CHST9: variants seen among roughly 807,000 people sequenced by gnomAD.
CHST9 encodes the protein carbohydrate sulfotransferase 9.
Under a neutral mutation model 44.4 loss-of-function variants are expected in CHST9, and 41 were observed. The ratio of observed to expected loss-of-function variants is 0.92; its 90% CI spans 0.72 to 1.20. The LOEUF is 1.20. Among genes scored for constraint, CHST9 ranks in the 50% most tolerant of loss-of-function variants. The probability of loss-of-function intolerance (pLI) is 0.00; values close to 1 mark genes in which losing one functional copy is unlikely to be tolerated. For synonymous variants in CHST9, 171 were observed against 178.4 expected (o/e 0.96, Z 0.33); for missense variants, 504 against 516.5 (o/e 0.98, Z 0.23).
intron 1 of CHST9, 21 bp from the exon 2 acceptor site, chr18:27,142,926 C>G: frequency 5.7e-6 from 5 of 883,162 alleles, no homozygotes; most frequent in Non-Finnish European, 8.5e-6. Flanking sequence ...AAAAAGAAAT[C>G]TACATTGTAC....
intron 4 of CHST9, among the ~76,000 whole-genome samples, chr18:26,980,778 A>C (rs990496646): frequency 6.6e-6 from 1 of 152,206 alleles, no homozygotes; most frequent in African/African-American, 2.4e-5. Context: ...AAGAGTTCAT[A>C]ATGAATATTT....
intron 1 of CHST9, among the ~76,000 whole-genome samples, chr18:27,157,595 A>G (rs2058707690): frequency 6.6e-6 from 1 of 152,146 alleles, no homozygotes; most frequent in African/African-American, 2.4e-5. Context: ...ATCCGCAAAA[A>G]TATCTACTGA....
chr18:27,161,744 A>C (rs2143930739), intron 1 of CHST9, among the ~76,000 whole-genome samples: 1 of 152,160 alleles, frequency 6.6e-6, no homozygotes, highest in African/African-American at 2.4e-5. Context: ...TGGGAGTCCA[A>C]GTCTCTTTCT....
At chr18:27,141,614 A>G (rs1428349728) in intron 2 of CHST9, among the ~76,000 whole-genome samples, 2 of 150,670 alleles carry the variant, frequency 1.3e-5, no homozygotes, top group Admixed American at 1.3e-4. Flanking sequence ...AAAAAAAAAA[A>G]AAGTAGGAGG....
rs529920576 is a variant in CHST9, at chr18:27,088,360, C to T, written c.122-39857G>A. 2.0e-5 allele frequency among the ~76,000 whole-genome samples: 3 copies of T among 151,318 alleles called. No homozygotes were observed. In the East Asian group the frequency reaches 5.8e-4, roughly 29 times the overall value. ...TGTTACTAATATACTTAGTTACAAGCATTTGTACTGCATTTCCAATTATTA... is the reference window on the plus strand; with the variant it reads ...TGTTACTAATATACTTAGTTACAAGTATTTGTACTGCATTTCCAATTATTA... On this transcript the variant is annotated intron_variant, in intron 2 of 5. Transcript: ENST00000618847.
chr18:26,907,352 T>A lies in CHST9; in HGVS notation c.*8907A>T, dbSNP rs1451283097. The A allele has an allele frequency of 6.6e-6, 1 of 151,624 alleles. No homozygotes were observed. The highest frequency in any genetic ancestry group is 1.5e-5 in the Non-Finnish European group (1 of 67,934). 9.4% of individuals were successfully genotyped at this position (151,624 alleles called of 1,614,324 possible). A position where few individuals can be genotyped will look rare whatever the true frequency, so the allele number is the denominator to read the frequency against. ...AATAAGGAGAAAGCAGGTTTGGGGG[T>A]TAGGTGATGAGTTCAGCTTTGGTCA... On this transcript the variant is annotated 3_prime_UTR_variant, in exon 6 of 6. Transcript: ENST00000618847.
At chr18:26,942,544 G>C (rs575822706) in intron 5 of CHST9, among the ~76,000 whole-genome samples, 15 of 151,940 alleles carry the variant, frequency 9.9e-5, no homozygotes, top group Non-Finnish European at 1.9e-4. Context: ...TGTTAGTTTT[G>C]CTAAACGTAA....
At chr18:27,148,619 G>A (rs906608315) in intron 1 of CHST9, among the ~76,000 whole-genome samples, 14 of 150,896 alleles carry the variant, frequency 9.3e-5, no homozygotes, top group Non-Finnish European at 1.9e-4. Flanking sequence ...AGTATTCCAT[G>A]GTGTATATGT....
At chr18:27,160,611 G>C (rs560590024) in intron 1 of CHST9, among the ~76,000 whole-genome samples, 3 of 152,150 alleles carry the variant, frequency 2.0e-5, no homozygotes, top group Non-Finnish European at 4.4e-5. Context: ...GTATCAGGAT[G>C]ATGCTGGCCA....
chr18:27,122,061 A>G (rs544224959), intron 2 of CHST9, among the ~76,000 whole-genome samples: 5 of 152,316 alleles, frequency 3.3e-5, no homozygotes, highest in African/African-American at 1.2e-4. Flanking sequence ...AACCCAGAGG[A>G]GTAAAAGCAG....
chr18:27,037,961 A>G lies in CHST9; in HGVS notation c.160+10504T>C, dbSNP rs545909206. Among the ~76,000 whole-genome samples, 12 of 152,280 alleles carry G rather than the reference A, an allele frequency of 7.9e-5. No individual in the cohort carries two copies. The East Asian group carries it at 2.3e-3, about 29-fold the overall frequency. ...TAAATGCTTCTTCAGAAGTTCACTG[A>G]AATTCAAACATTACAACTATAATTA... On this transcript the variant is annotated intron_variant, in intron 3 of 5. Coordinates refer to ENST00000618847, the MANE Select transcript of CHST9 (RefSeq NM_031422.6).
intron 4 of CHST9, among the ~76,000 whole-genome samples, chr18:27,021,590 T>C (rs957024143): frequency 1.3e-5 from 2 of 152,144 alleles, no homozygotes; most frequent in Non-Finnish European, 2.9e-5. Context: ...CAAACTCATG[T>C]TTTCAGGATG....
At chr18:27,089,702 G>GAATTGCCAC (rs1469066763) in intron 2 of CHST9, among the ~76,000 whole-genome samples, 10 of 152,044 alleles carry the variant, frequency 6.6e-5, no homozygotes, top group African/African-American at 2.4e-4. Context: ...GATCCTTGAG[G>GAATTGCCAC]AATTGCCACA....
At chr18:27,058,918 A>T (rs1269808910) in intron 2 of CHST9, among the ~76,000 whole-genome samples, 2 of 152,118 alleles carry the variant, frequency 1.3e-5, no homozygotes, top group African/African-American at 4.8e-5. Context: ...TTTTTTCATA[A>T]TGAGAATATT....
chr18:27,155,593 CT>C (rs2058693196), intron 1 of CHST9, among the ~76,000 whole-genome samples: 1 of 152,126 alleles, frequency 6.6e-6, no homozygotes, highest in Non-Finnish European at 1.5e-5. Flanking sequence ...CTGTTCTCTC[CT>C]TTACATGAAA....
At chr18:26,952,084 CAG>C (rs2056255880) in intron 4 of CHST9, 1 of 386,808 alleles carries the variant, frequency 2.6e-6, no homozygotes, top group South Asian at 2.1e-5. Flanking sequence ...CTGAAAAAGA[CAG>C]AGCAATACTC....
intron 4 of CHST9, among the ~76,000 whole-genome samples, chr18:26,948,673 G>T (rs1189377178): frequency 6.6e-6 from 1 of 152,224 alleles, no homozygotes; most frequent in Non-Finnish European, 1.5e-5. Context: ...ATTACTAGGT[G>T]TTTGAACTGG....
chr18:27,055,250 C>T (rs994949441), intron 2 of CHST9, among the ~76,000 whole-genome samples: 1 of 152,092 alleles, frequency 6.6e-6, no homozygotes, highest in African/African-American at 2.4e-5. Flanking sequence ...GGAGGAAGAG[C>T]ATAACCACCA....
intron 2 of CHST9, among the ~76,000 whole-genome samples, chr18:27,109,290 T>C (rs955259071): frequency 1.3e-5 from 2 of 152,190 alleles, no homozygotes; most frequent in East Asian, 1.9e-4. Flanking sequence ...ACCTTTTTTT[T>C]TTCTCCCTGC....
Sources: allele counts gnomAD v4.1 joint callset (sites outside exome capture counted in the v4.1 genomes callset), GRCh38; gene constraint gnomAD v4.1.1; transcripts MANE v1.5; gene names NCBI Gene and HGNC (gene_info 2026-07-23, HGNC 2026-07-21).